The following BEND3 variants were observed in gnomAD, a reference collection of about 807,000 sequenced individuals.
BEND3 encodes the protein BEN domain containing 3.
BEND3 carries 13 observed loss-of-function variants against 60.1 expected under a neutral mutation model. The observed-to-expected ratio is 0.22, with a 90% CI of 0.14 to 0.34. The LOEUF is 0.34. Among genes scored for constraint, BEND3 ranks in the 10% least tolerant of loss-of-function variants. The pLI is 1.00. For missense variants in BEND3, 896 were observed against 1,138.1 expected (o/e 0.79, Z 3.06); for synonymous variants, 497 against 491.5 (o/e 1.01, Z -0.15).
At position 107,069,985 on chromosome 6, in the gene BEND3, G is replaced by A. The variant is rs148664657; in HGVS notation, c.1206C>T (p.Asp402=). Residue 402 remains aspartate (D), a synonymous_variant, in exon 4 of 4, where the codon GAC becomes GAT. Transcript: ENST00000369042. ...CAAACTCGCCTGGTGAGGAGGCTTC[G>A]TCCAGGAACTCAGTGAGGTCCTGCG... The part of the protein sequence containing the change: ...VDTQDLTEFL[D]EASSPGEFAV... 172 of 1,613,812 alleles carry A rather than the reference G, an allele frequency of 1.1e-4. 2 individuals are homozygous for A. In the Middle Eastern group the frequency reaches 1.7e-3, roughly 16 times the overall value.
intron 1 of BEND3, chr6:107,114,195 GAGGCA>G (rs1430335388): frequency 6.6e-6 from 1 of 152,282 alleles, no homozygotes; most frequent in Non-Finnish European, 1.5e-5. Context: ...GCTCACGGAT[GAGGCA>G]AGGGCAAAGC....
Position 107,065,773 on chromosome 6 carries a change from G to A in BEND3, c.*2931C>T, listed in dbSNP as rs1243581405. On this transcript the variant is annotated 3_prime_UTR_variant, in exon 4 of 4. Coordinates refer to ENST00000369042, the MANE Select transcript of BEND3 (RefSeq NM_001367314.1). ...AGATCCCATTGGTTGGTTGGTTGAT[G>A]ATTGCTGCTGATGTGGTTCCCCACT... 1.3e-5 allele frequency: 2 copies of A among 152,198 alleles called. No individual in the cohort carries two copies. The highest frequency in any genetic ancestry group is 4.8e-5 in the African/African-American group (2 of 41,434). 9.4% of individuals were successfully genotyped at this position (152,198 alleles called of 1,614,324 possible).
chr6:107,113,844 TA>T (rs1188324313), intron 1 of BEND3: 2 of 152,220 alleles, frequency 1.3e-5, no homozygotes, highest in African/African-American at 2.4e-5. Flanking sequence ...CCCAGCCGTT[TA>T]TATACCTGGC....
In BEND3 at chr6:107,070,170, C is replaced by T; in HGVS notation, c.1021G>A (p.Ala341Thr). The change falls in exon 4 of 4, where the codon GCC (alanine) becomes ACC (threonine). Residue 341 changes from alanine (A) to threonine (T), a missense_variant. Around this residue, in one of 4 missense-constraint regions of BEND3, gnomAD observed 846 missense variants for 1,036.7 expected, o/e 0.82. Coordinates refer to ENST00000369042, the MANE Select transcript of BEND3 (RefSeq NM_001367314.1). This position sits in a 1 kb window ranked among gnomAD's most constrained non-coding sequence, Gnocchi z 6.9. The stretch of plus-strand genomic sequence containing the variant: ...TGGCTGTCCTCCATTTCCCGCTGGG[C>T]CCAGAAGCGGCTGAAGAAGTCGTTC... ...QLNDFFSRFW[A>T]QREMEDSQPS... is the part of the protein sequence containing the mutation. 1 of 1,612,972 alleles carries T rather than the reference C, an allele frequency of 6.2e-7. No individual in the cohort carries two copies. The highest frequency in any genetic ancestry group is 8.5e-7 in the Non-Finnish European group (1 of 1,179,942).
Position 107,066,511 on chromosome 6 carries a change from T to G in BEND3, c.*2193A>C, listed in dbSNP as rs1248083005. 6.6e-6 allele frequency: 1 copy of G among 152,640 alleles called. No homozygotes were observed. Among genetic ancestry groups the G allele is most frequent in the African/African-American group, 2.4e-5 (1 of 41,456 alleles). 9.5% of individuals were successfully genotyped at this position (152,640 alleles called of 1,614,324 possible). On this transcript the variant is annotated 3_prime_UTR_variant, in exon 4 of 4. Transcript: ENST00000369042. Reference sequence around the variant, plus strand: ...TGGGTTACAAAGAGACATATTTAATTCCTAGAACCTGTTGATTTCTCTAAC... The same window carrying G: ...TGGGTTACAAAGAGACATATTTAATGCCTAGAACCTGTTGATTTCTCTAAC...
intron 3 of BEND3, 38 bp downstream of exon 3, chr6:107,098,513 A>C: frequency 2.5e-6 from 4 of 1,596,650 alleles, no homozygotes; most frequent in African/African-American, 1.3e-5. Flanking sequence ...AGAGAGGGTT[A>C]GAGCCCAAGC....
chr6:107,094,701 A>G (rs530864213), intron 3 of BEND3, among the ~76,000 whole-genome samples: 34 of 151,852 alleles, frequency 2.2e-4, no homozygotes, highest in African/African-American at 8.2e-4. Flanking sequence ...AAAAACTTTA[A>G]AAGTTAGCCA....
At chr6:107,103,267 G>A (rs181792153) in intron 1 of BEND3, among the ~76,000 whole-genome samples, 29 of 152,316 alleles carry the variant, frequency 1.9e-4, no homozygotes, top group African/African-American at 6.7e-4. Context: ...GGAGCACACT[G>A]CTACCTCCAT....
intron 3 of BEND3, among the ~76,000 whole-genome samples, chr6:107,085,097 C>A (rs1334189443): frequency 2.0e-5 from 3 of 152,116 alleles, no homozygotes; most frequent in Non-Finnish European, 1.5e-5. Context: ...CTGGGAGGAA[C>A]AAACAACTTT....
intron 1 of BEND3, among the ~76,000 whole-genome samples, chr6:107,099,963 G>A (rs1775671151): frequency 6.6e-6 from 1 of 151,528 alleles, no homozygotes; most frequent in South Asian, 2.1e-4. Context: ...TCTGATTCCT[G>A]GGCTCTAGCA....
intron 1 of BEND3, among the ~76,000 whole-genome samples, chr6:107,104,700 G>C (rs1775777057): frequency 6.7e-6 from 1 of 150,368 alleles, no homozygotes; most frequent in Admixed American, 6.6e-5. Flanking sequence ...TTTAAGATGG[G>C]TTCTGTCACC....
At chr6:107,087,315 A>C (rs116104368) in intron 3 of BEND3, among the ~76,000 whole-genome samples, 1 of 150,724 alleles carries the variant, frequency 6.6e-6, no homozygotes, top group Non-Finnish European at 1.5e-5. Flanking sequence ...CAAAACTCCA[A>C]CTCAAAAAAG....
Position 107,069,411 on chromosome 6 carries a change from G to A in BEND3, c.1780C>T (p.Gln594Ter). The change falls in exon 4 of 4, where the codon CAG (glutamine) becomes TAG (stop). Residue 594 changes from glutamine (Q) to a stop codon, truncating the protein, a stop_gained. Transcript: ENST00000369042. LOFTEE classifies it high-confidence loss of function. ...CCCAGGGAGCCGCTGCAGTTGTACTGCTTGCGCAGGTTCTCGTGCGTGAAG... is the reference window on the plus strand; with the variant it reads ...CCCAGGGAGCCGCTGCAGTTGTACTACTTGCGCAGGTTCTCGTGCGTGAAG... ...ELFTHENLRK[Q>*]YNCSGSLGKK... 1 of 1,612,708 alleles carries A rather than the reference G, an allele frequency of 6.2e-7. No individual in the cohort carries two copies. Among genetic ancestry groups the A allele is most frequent in the Non-Finnish European group, 8.5e-7 (1 of 1,179,974 alleles).
Position 107,070,618 on chromosome 6 carries a change from G to T in BEND3, c.573C>A (p.Asn191Lys). The change falls in exon 4 of 4, where the codon AAC becomes AAA. Residue 191 changes from asparagine to lysine, a missense_variant. Asn to Lys is a moderately conservative substitution (Grantham distance 94). Around this residue, in one of 4 missense-constraint regions of BEND3, gnomAD observed 846 missense variants for 1,036.7 expected, o/e 0.82. Transcript: ENST00000369042. The surrounding 1 kb of genome is among the most constrained non-coding windows in gnomAD (Gnocchi z 6.9). ...STGAGTDNDPNIYFLIQKMFY... is the reference protein window; with the variant it reads ...STGAGTDNDPKIYFLIQKMFY... ...ACATCTTCTGGATCAGGAAGTAGAT[G>T]TTGGGGTCGTTGTCAGTGCCTGCCC... 6.2e-7 allele frequency: 1 copy of T among 1,612,336 alleles called. No individual in the cohort carries two copies. The highest frequency in any genetic ancestry group is 8.5e-7 in the Non-Finnish European group (1 of 1,179,894).
Position 107,069,149 on chromosome 6 carries a change from C to T in BEND3, c.2042G>A (p.Arg681Gln), listed in dbSNP as rs782184889. The T allele has an allele frequency of 1.2e-5, 20 of 1,612,626 alleles. No individual in the cohort carries two copies. Among genetic ancestry groups the T allele is most frequent in the Admixed American group, 3.3e-5 (2 of 60,008 alleles). The change falls in exon 4 of 4, where the codon CGG becomes CAG. Residue 681 changes from arginine (R) to glutamine (Q), a missense_variant. Coordinates refer to ENST00000369042, the MANE Select transcript of BEND3 (RefSeq NM_001367314.1). ...TSYAINPERFREEFEGPPLPP... is the reference protein window; with the variant it reads ...TSYAINPERFQEEFEGPPLPP... ...CAGTGGGGGCCCCTCAAACTCCTCC[C>T]GGAACCTCTCGGGGTTGATTGCATA...
chr6:107,070,677 T>G lies in BEND3; in HGVS notation c.514A>C (p.Asn172His). The G allele has an allele frequency of 6.2e-7, 1 of 1,612,938 alleles. No individual in the cohort carries two copies. The highest frequency in any genetic ancestry group is 2.2e-5 in the East Asian group (1 of 44,872). The change falls in exon 4 of 4, where the codon AAT becomes CAT. Residue 172 changes from asparagine (N) to histidine (H), a missense_variant. Around this residue, in one of 4 missense-constraint regions of BEND3, gnomAD observed 846 missense variants for 1,036.7 expected, o/e 0.82. Coordinates refer to ENST00000369042, the MANE Select transcript of BEND3 (RefSeq NM_001367314.1). This position sits in a 1 kb window ranked among gnomAD's most constrained non-coding sequence, Gnocchi z 6.9. ...CCACAGTCCCGCTTCTGTGGCTCAT[T>G]CAGGAGCCGCAGTGACGAGGGGCTG... ...SNSPSSLRLLNEPQKRDCGST... is the reference protein window; with the variant it reads ...SNSPSSLRLLHEPQKRDCGST...
At chr6:107,086,227 GCCAACATCAGC>G (rs1775344636) in intron 3 of BEND3, among the ~76,000 whole-genome samples, 1 of 152,078 alleles carries the variant, frequency 6.6e-6, no homozygotes, top group Admixed American at 6.6e-5. Context: ...AAGAGAAATA[GCCAACATCAGC>G]CCACTTGACT....
Position 107,066,848 on chromosome 6 carries a change from C to T in BEND3, c.*1856G>A, listed in dbSNP as rs931709428. 12 of 152,544 alleles carry T rather than the reference C, an allele frequency of 7.9e-5. No individual in the cohort carries two copies. The highest frequency in any genetic ancestry group is 2.7e-4 in the African/African-American group (11 of 41,412). The allele number at this position is 152,544 out of a possible 1,614,324, so 9.4% of individuals were successfully genotyped here. On this transcript the variant is annotated 3_prime_UTR_variant, in exon 4 of 4. Transcript: ENST00000369042. The stretch of plus-strand genomic sequence containing the variant: ...CAAGCGAGGGGGGAAAGTGAGTCTC[C>T]TGGCTGCTCCAGTCCCTCCTTTCCA...
At position 107,070,718 on chromosome 6, in the gene BEND3, T is replaced by C. The variant is rs201291162; in HGVS notation, c.473A>G (p.Lys158Arg). Reference protein sequence around the residue: ...DLLNVYELFEKANASNSPSSL... With the variant: ...DLLNVYELFERANASNSPSSL... ...CGAGGGGCTGTTGCTGGCGTTTGCC[T>C]TCTCAAAGAGCTCGTACACGTTTAG... Residue 158 changes from lysine (K) to arginine (R), a missense_variant, in exon 4 of 4, where the codon AAG becomes AGG. Transcript: ENST00000369042. The surrounding 1 kb of genome is among the most constrained non-coding windows in gnomAD (Gnocchi z 6.9). The C allele has an allele frequency of 5.0e-6, 8 of 1,613,636 alleles. No homozygotes were observed. Among genetic ancestry groups the C allele is most frequent in the African/African-American group, 1.3e-5 (1 of 74,926 alleles).
Sources: gnomAD v4.1 joint callset for allele counts (sites outside exome capture counted in the v4.1 genomes callset) on GRCh38, gnomAD v4.1.1 for gene constraint, gnomAD v4.1.1 regional missense constraint, Gnocchi (gnomAD v3.1) non-coding constraint, MANE v1.5 for transcripts, NCBI Gene and HGNC (gene_info 2026-07-23, HGNC 2026-07-21) for gene names.